RGL1: variants seen among roughly 807,000 people sequenced by gnomAD.
The protein encoded by RGL1 is ral guanine nucleotide dissociation stimulator-like 1.
RGL1 carries 24 observed loss-of-function variants against 95.2 expected under a neutral mutation model. The observed-to-expected ratio is 0.25, with a 90% CI of 0.18 to 0.35. The LOEUF (loss-of-function observed/expected upper bound fraction) is 0.35, where lower values mean the gene tolerates loss of function less well. Among genes scored for constraint, RGL1 ranks in the 10% least tolerant of loss-of-function variants. RGL1 has a pLI of 1.00. For synonymous variants in RGL1, 329 were observed against 344.9 expected (o/e 0.95, Z 0.51); for missense variants, 715 against 936.3 (o/e 0.76, Z 3.08).
At chr1:183,865,331 C>T (rs924918952) in intron 3 of RGL1, among the ~76,000 whole-genome samples, 5 of 152,116 alleles carry the variant, frequency 3.3e-5, no homozygotes, top group Admixed American at 2.0e-4. Flanking sequence ...AAAAATCAGA[C>T]CCCTGCACCC....
chr1:183,829,733 A>G (rs1663130802), intron 2 of RGL1, among the ~76,000 whole-genome samples: 1 of 152,068 alleles, frequency 6.6e-6, no homozygotes, highest in African/African-American at 2.4e-5. Flanking sequence ...GGCCACATCA[A>G]CTTCTTTTTA....
chr1:183,843,034 A>T (rs1362892269), intron 2 of RGL1, among the ~76,000 whole-genome samples: 1 of 152,222 alleles, frequency 6.6e-6, no homozygotes, highest in Non-Finnish European at 1.5e-5. Context: ...GTTTCATAAG[A>T]AATGTACTCT....
At chr1:183,705,923 T>C (rs1654886075) in intron 1 of RGL1, among the ~76,000 whole-genome samples, 1 of 152,108 alleles carries the variant, frequency 6.6e-6, no homozygotes, top group Non-Finnish European at 1.5e-5. Flanking sequence ...ATACTGCTTC[T>C]GTGATAGGAA....
At chr1:183,778,000 G>A (rs1659687947) in intron 2 of RGL1, among the ~76,000 whole-genome samples, 1 of 152,142 alleles carries the variant, frequency 6.6e-6, no homozygotes, top group African/African-American at 2.4e-5. Flanking sequence ...TTTGTTTCAT[G>A]TGTCCAAGAA....
At chr1:183,906,976 A>G in intron 13 of RGL1, 36 bp from the exon 14 acceptor site, 2 of 1,212,730 alleles carry the variant, frequency 1.6e-6, no homozygotes, top group Admixed American at 1.8e-5. Flanking sequence ...TCAATTCTCT[A>G]ACTTTGACCT....
intron 2 of RGL1, among the ~76,000 whole-genome samples, chr1:183,842,848 T>C (rs1479387562): frequency 6.6e-6 from 1 of 152,214 alleles, no homozygotes; most frequent in African/African-American, 2.4e-5. Flanking sequence ...CAAAAACAGG[T>C]CCTAAAGTCT....
chr1:183,880,183 T>C (rs902830888), intron 4 of RGL1, among the ~76,000 whole-genome samples: 3 of 152,226 alleles, frequency 2.0e-5, no homozygotes, highest in Non-Finnish European at 2.9e-5. Context: ...TTTCATCAGA[T>C]GGATTTCTGG....
chr1:183,832,254 G>T (rs147870823), intron 2 of RGL1, among the ~76,000 whole-genome samples: 3 of 152,194 alleles, frequency 2.0e-5, no homozygotes, highest in Non-Finnish European at 4.4e-5. Flanking sequence ...AGGGAGTAAG[G>T]ATGATCTGTA....
intron 1 of RGL1, among the ~76,000 whole-genome samples, chr1:183,711,841 T>C (rs1655292920): frequency 6.6e-6 from 1 of 152,186 alleles, no homozygotes; most frequent in South Asian, 2.1e-4. Flanking sequence ...ACACCTCTGA[T>C]GACATCTCTG....
intron 8 of RGL1, 76 bp downstream of exon 8, chr1:183,888,653 G>A (rs1432361527): frequency 1.2e-6 from 1 of 854,182 alleles, no homozygotes; most frequent in Non-Finnish European, 2.0e-6. Flanking sequence ...CACCTTCAAA[G>A]CTTGTATCGC....
chr1:183,873,970 T>C (rs10911457), intron 4 of RGL1, among the ~76,000 whole-genome samples: 83,306 of 152,000 alleles, frequency 0.55, 23,145 homozygotes, highest in African/African-American at 0.63. Flanking sequence ...TAGAAGGCCT[T>C]AGCCATTTTT....
chr1:183,889,256 G>C (rs1173581055), intron 8 of RGL1, among the ~76,000 whole-genome samples: 1 of 152,168 alleles, frequency 6.6e-6, no homozygotes, highest in Admixed American at 6.5e-5. Flanking sequence ...GGAGGGGGCA[G>C]TTCTGATTCT....
intron 1 of RGL1, 138 bp from the exon 2 acceptor site, chr1:183,806,237 C>T: frequency 1.7e-6 from 1 of 603,698 alleles, no homozygotes; most frequent in Admixed American, 3.0e-5. Flanking sequence ...TCTTGTATTG[C>T]GGATTGTAAT....
intron 1 of RGL1, among the ~76,000 whole-genome samples, chr1:183,684,762 T>C (rs1653461640): frequency 6.6e-6 from 1 of 152,202 alleles, no homozygotes; most frequent in Non-Finnish European, 1.5e-5. Flanking sequence ...CCGAAGACCA[T>C]GGGAAAAGCG....
intron 1 of RGL1, chr1:183,647,403 G>T: frequency 7.4e-6 from 2 of 270,986 alleles, no homozygotes; most frequent in Non-Finnish European, 1.4e-5. Context: ...TTCCTTTTCT[G>T]CATCAAAATA....
intron 2 of RGL1, among the ~76,000 whole-genome samples, chr1:183,826,472 GT>G (rs1454110404): frequency 2.0e-5 from 3 of 152,200 alleles, no homozygotes; most frequent in Non-Finnish European, 2.9e-5. Context: ...GGTTTTGGTT[GT>G]TTTTTTCCCC....
intron 3 of RGL1, among the ~76,000 whole-genome samples, chr1:183,857,027 G>A (rs999342505): frequency 6.6e-6 from 1 of 152,126 alleles, no homozygotes; most frequent in Non-Finnish European, 1.5e-5. Flanking sequence ...GGGGAATTGA[G>A]GTTGCAGATG....
intron 1 of RGL1, among the ~76,000 whole-genome samples, chr1:183,720,940 T>C (rs971166253): frequency 8.5e-5 from 13 of 152,142 alleles, no homozygotes; most frequent in African/African-American, 3.1e-4. Flanking sequence ...TGGGTGGTGG[T>C]ATAATTGAGT....
At chr1:183,796,039 T>C (rs1455354846) in intron 2 of RGL1, among the ~76,000 whole-genome samples, 2 of 152,120 alleles carry the variant, frequency 1.3e-5, no homozygotes, top group East Asian at 3.9e-4. Flanking sequence ...TATCTAGAGT[T>C]TAGTATCTAG....
Sources: allele counts gnomAD v4.1 joint callset (sites outside exome capture counted in the v4.1 genomes callset), GRCh38; gene constraint gnomAD v4.1.1; transcripts MANE v1.5; gene names NCBI Gene and HGNC (gene_info 2026-07-23, HGNC 2026-07-21).